DIP2C: variants seen among roughly 807,000 people sequenced by gnomAD.
DIP2C encodes disco-interacting protein 2 homolog C.
Under a neutral mutation model 192.4 loss-of-function variants are expected in DIP2C, and 33 were observed. The ratio of observed to expected loss-of-function variants is 0.17; its 90% CI spans 0.13 to 0.23. DIP2C has a LOEUF of 0.23. DIP2C is among the 10% of genes least tolerant of loss of function. The pLI is 1.00. For missense variants in DIP2C, 1,537 were observed against 2,110.1 expected (o/e 0.73, Z 5.32); for synonymous variants, 979 against 864.1 (o/e 1.13, Z -2.33).
At chr10:679,547 ACCCATCCTCCCCGCACCCATCCTCCCCC>A (rs1831048905) in intron 1 of DIP2C, among the ~76,000 whole-genome samples, 2 of 3,894 alleles carry the variant, frequency 5.1e-4, no homozygotes, top group East Asian at 0.011. Flanking sequence ...TGCTCCCCGC[ACCCATCCTCCCCGCACCCATCCTCCCCC>A]CACCCATGCT....
At chr10:334,000 G>C (rs559487436) in intron 29 of DIP2C, among the ~76,000 whole-genome samples, 1 of 152,188 alleles carries the variant, frequency 6.6e-6, no homozygotes, top group South Asian at 2.1e-4. Flanking sequence ...GCTTGTTTCT[G>C]AGTTTTGAGT....
chr10:495,705 C>G (rs1229369277), intron 1 of DIP2C, among the ~76,000 whole-genome samples: 1 of 152,096 alleles, frequency 6.6e-6, no homozygotes, highest in Non-Finnish European at 1.5e-5. Flanking sequence ...ACATAGAACC[C>G]ACATGTGCCC....
chr10:434,834 T>C (rs74509340), intron 4 of DIP2C, among the ~76,000 whole-genome samples: 2,970 of 152,316 alleles, frequency 0.019, 105 homozygotes, highest in African/African-American at 0.068. Flanking sequence ...GGAAGTTGAA[T>C]AGAATTCTTA....
intron 26 of DIP2C, 114 bp downstream of exon 26, chr10:348,527 A>G (rs1363808155): frequency 6.6e-7 from 1 of 1,512,010 alleles, no homozygotes; most frequent in Non-Finnish European, 8.9e-7. Context: ...GACTCCAGAC[A>G]CACCCCGGCT....
intron 4 of DIP2C, among the ~76,000 whole-genome samples, chr10:435,798 ATTTTC>A (rs1459507141): frequency 1.3e-5 from 2 of 152,040 alleles, no homozygotes; most frequent in Non-Finnish European, 2.9e-5. Context: ...GTATTAAAAT[ATTTTC>A]TTTTCGTTCT....
chr10:623,723 G>A (rs1414263923), intron 1 of DIP2C, among the ~76,000 whole-genome samples: 5 of 136,170 alleles, frequency 3.7e-5, no homozygotes, highest in African/African-American at 1.4e-4. Flanking sequence ...GGGGAGGAGG[G>A]GAGGAGGGGA....
chr10:311,575 G>A, intron 31 of DIP2C: 1 of 1,232,500 alleles, frequency 8.1e-7, no homozygotes, highest in Non-Finnish European at 1.0e-6. Flanking sequence ...GGCTACAGCA[G>A]CAGAAGGGTG....
chr10:547,753 C>G (rs1194024647), intron 1 of DIP2C, among the ~76,000 whole-genome samples: 4 of 152,140 alleles, frequency 2.6e-5, no homozygotes, highest in Non-Finnish European at 5.9e-5. Flanking sequence ...CAAATCATCT[C>G]TCAGTTTATA....
At chr10:389,471 G>A (rs1042498236) in intron 13 of DIP2C, among the ~76,000 whole-genome samples, 1 of 152,172 alleles carries the variant, frequency 6.6e-6, no homozygotes, top group Admixed American at 6.5e-5. Context: ...CCAATGCAGA[G>A]ACTCTGACTC....
intron 1 of DIP2C, among the ~76,000 whole-genome samples, chr10:500,498 C>T (rs913790177): frequency 2.0e-5 from 3 of 152,194 alleles, no homozygotes; most frequent in African/African-American, 7.2e-5. Context: ...TTCCAAATGC[C>T]ATAGAAATTA....
At chr10:632,992 A>C (rs1204399588) in intron 1 of DIP2C, among the ~76,000 whole-genome samples, 2 of 152,248 alleles carry the variant, frequency 1.3e-5, no homozygotes, top group Non-Finnish European at 2.9e-5. Context: ...GTGTGAACTC[A>C]GACGCAACGG....
At chr10:404,188 T>A (rs895599041) in intron 9 of DIP2C, among the ~76,000 whole-genome samples, 1 of 151,094 alleles carries the variant, frequency 6.6e-6, no homozygotes, top group African/African-American at 2.4e-5. Flanking sequence ...ATGTGCATCA[T>A]TTTTGCATTA....
chr10:475,908 C>T (rs1002639069), intron 2 of DIP2C, among the ~76,000 whole-genome samples: 1 of 152,202 alleles, frequency 6.6e-6, no homozygotes, highest in African/African-American at 2.4e-5. Context: ...GGAAACCAAG[C>T]ATGGCTGCTG....
At chr10:519,645 A>T (rs544750914) in intron 1 of DIP2C, among the ~76,000 whole-genome samples, 1 of 152,378 alleles carries the variant, frequency 6.6e-6, no homozygotes. Context: ...AGTCACCTAC[A>T]CTGCCACAGC....
intron 1 of DIP2C, among the ~76,000 whole-genome samples, chr10:540,921 G>A (rs1310844067): frequency 6.6e-6 from 1 of 152,316 alleles, no homozygotes; most frequent in East Asian, 1.9e-4. Flanking sequence ...CAGCAGCCGT[G>A]ATAGGACAAA....
chr10:678,691 C>A lies in DIP2C; in HGVS notation c.85+10803G>T, dbSNP rs1326499435. ...CCCAGCTCCCCACGCCCATGCTCCC[C>A]ACACCCGTTCTCCCCACGCCCATGC... On this transcript the variant is annotated intron_variant, in intron 1 of 36. Coordinates refer to ENST00000280886, the MANE Select transcript of DIP2C (RefSeq NM_014974.3). Among the ~76,000 whole-genome samples the A allele has an allele frequency of 8.0e-4, 16 of 20,046 alleles. 1 individual carries two copies. The highest frequency in any genetic ancestry group is 1.2e-3 in the African/African-American group (16 of 13,734). 13.2% of individuals were successfully genotyped at this position (20,046 alleles called of 152,430 possible).
At chr10:331,891 A>T (rs143264789) in intron 29 of DIP2C, among the ~76,000 whole-genome samples, 30 of 152,324 alleles carry the variant, frequency 2.0e-4, no homozygotes, top group African/African-American at 6.7e-4. Context: ...GTGGTAAAAC[A>T]TATGTAACAT....
intron 1 of DIP2C, among the ~76,000 whole-genome samples, chr10:563,857 GC>G: frequency 6.6e-6 from 1 of 152,312 alleles, no homozygotes; most frequent in South Asian, 2.1e-4. Context: ...CAATTAAGAA[GC>G]AAGGCAAATG....
At chr10:474,455 G>A (rs954397091) in intron 2 of DIP2C, among the ~76,000 whole-genome samples, 2 of 152,158 alleles carry the variant, frequency 1.3e-5, no homozygotes, top group Non-Finnish European at 2.9e-5. Context: ...ATCAAACACT[G>A]ACAACCTGGT....
Sources: gnomAD v4.1 joint callset for allele counts (sites outside exome capture counted in the v4.1 genomes callset) on GRCh38, gnomAD v4.1.1 for gene constraint, MANE v1.5 for transcripts, NCBI Gene and HGNC (gene_info 2026-07-23, HGNC 2026-07-21) for gene names.